Variants in MTREX observed in about 807,000 individuals in gnomAD.
MTREX encodes the protein exosome RNA helicase MTR4.
Under a neutral mutation model 135.4 loss-of-function variants are expected in MTREX, and 76 were observed. The observed-to-expected ratio is 0.56, with a 90% CI of 0.47 to 0.68. MTREX has a LOEUF of 0.68. Among genes scored for constraint, MTREX ranks in the 30% least tolerant of loss-of-function variants. The probability of loss-of-function intolerance (pLI) is 0.00; values close to 1 mark genes in which losing one functional copy is unlikely to be tolerated. For missense variants in MTREX, 920 were observed against 1,262.1 expected (o/e 0.73, Z 4.11); for synonymous variants, 404 against 401.6 (o/e 1.01, Z -0.07).
At chr5:55,403,343 T>G (rs1750753853) in intron 21 of MTREX, among the ~76,000 whole-genome samples, 1 of 152,206 alleles carries the variant, frequency 6.6e-6, no homozygotes, top group Non-Finnish European at 1.5e-5. Context: ...CTGTGTTCTT[T>G]TATAAATATG....
chr5:55,310,869 C>T (rs1300810294), intron 1 of MTREX, among the ~76,000 whole-genome samples: 2 of 152,160 alleles, frequency 1.3e-5, no homozygotes, highest in Non-Finnish European at 2.9e-5. Flanking sequence ...CCTCGAACTC[C>T]TGGCCTCAAG....
chr5:55,394,232 A>G (rs1750613062), intron 19 of MTREX, among the ~76,000 whole-genome samples: 1 of 152,160 alleles, frequency 6.6e-6, no homozygotes, highest in Non-Finnish European at 1.5e-5. Flanking sequence ...AGTGCATACA[A>G]ATTGTGCATC....
intron 5 of MTREX, among the ~76,000 whole-genome samples, chr5:55,331,457 C>G (rs925774800): frequency 2.6e-5 from 4 of 152,168 alleles, no homozygotes; most frequent in Admixed American, 2.0e-4. Context: ...GTATTCCATG[C>G]AGTATCTTGT....
chr5:55,318,527 C>G (rs1039641938), intron 1 of MTREX, among the ~76,000 whole-genome samples: 2 of 152,076 alleles, frequency 1.3e-5, no homozygotes, highest in African/African-American at 4.8e-5. Flanking sequence ...GAACAGAAAA[C>G]CAAATACCGC....
chr5:55,425,121 AG>A lies in MTREX; in HGVS notation c.*351del, dbSNP rs1751137905. ...AGAAGTCTTTAAAGGCTTGTACACC[AG>A]GAAGAAAGATGCATCCTCTTGCCTT... On this transcript the variant is annotated 3_prime_UTR_variant, in exon 27 of 27. Coordinates refer to ENST00000230640, the MANE Select transcript of MTREX (RefSeq NM_015360.5). The A allele has an allele frequency of 6.7e-7, 1 of 1,494,122 alleles. No homozygotes were observed. The highest frequency in any genetic ancestry group is 1.4e-5 in the African/African-American group (1 of 71,024). The allele number at this position is 1,494,122 out of a possible 1,614,324, so 92.6% of individuals were successfully genotyped here.
At position 55,319,227 on chromosome 5, in the gene MTREX, A is replaced by G. The variant is rs112021880; in HGVS notation, c.135-3100A>G. Among the ~76,000 whole-genome samples the G allele has an allele frequency of 6.3e-3, 953 of 152,336 alleles. 9 individuals carry two copies. The highest frequency in any genetic ancestry group is 0.022 in the African/African-American group (916 of 41,586). ...ATAGTTATCAAAATTAGGAAATTAT[A>G]TATTGATACAGTACTGTTACCTAAT... is the stretch of plus-strand genomic sequence containing the variant. On this transcript the variant is annotated intron_variant, in intron 1 of 26. Transcript: ENST00000230640.
intron 5 of MTREX, among the ~76,000 whole-genome samples, chr5:55,339,449 G>C (rs1175193550): frequency 6.6e-6 from 1 of 152,094 alleles, no homozygotes; most frequent in Non-Finnish European, 1.5e-5. Context: ...ACAATGTTAA[G>C]TTTAATGCTA....
chr5:55,355,212 A>G (rs1452225576), intron 14 of MTREX, among the ~76,000 whole-genome samples: 1 of 152,050 alleles, frequency 6.6e-6, no homozygotes, highest in Non-Finnish European at 1.5e-5. Flanking sequence ...ATGTGCAGTG[A>G]TCACTCCCAG....
intron 22 of MTREX, among the ~76,000 whole-genome samples, chr5:55,409,685 A>C (rs532727053): frequency 6.6e-6 from 1 of 152,204 alleles, no homozygotes; most frequent in African/African-American, 2.4e-5. Flanking sequence ...AGAACTTAAA[A>C]GAGATGTAAA....
In MTREX at chr5:55,347,023, T is replaced by C. The variant is rs556020706; in HGVS notation, c.1119T>C (p.Asn373=). 1.9e-6 allele frequency: 3 copies of C among 1,607,682 alleles called. No individual in the cohort carries two copies. Among genetic ancestry groups the C allele is most frequent in the South Asian group, 2.2e-5 (2 of 89,216 alleles). The change falls in exon 11 of 27, where the codon AAT becomes AAC. Residue 373 remains asparagine, a synonymous_variant. Transcript: ENST00000230640. The part of the protein sequence containing the change: ...GRKGGTKGPS[N]VFKIVKMIME... ...TTACTGTTTTTGCAGGACCATCAAA[T>C]GTTTTCAAAATTGTGAAGATGATTA... is the stretch of plus-strand genomic sequence containing the variant.
chr5:55,373,700 GGTGACTAGTGTCTAAACTTAGGACTT>G (rs1456769247), intron 16 of MTREX, among the ~76,000 whole-genome samples: 1 of 152,000 alleles, frequency 6.6e-6, no homozygotes, highest in Non-Finnish European at 1.5e-5. Context: ...GGCCCTAACT[GGTGACTAGTGTCTAAACTTAGGACTT>G]GTGACTAGTG....
chr5:55,382,427 T>G (rs1202532065), intron 18 of MTREX, among the ~76,000 whole-genome samples: 1 of 152,186 alleles, frequency 6.6e-6, no homozygotes, highest in Non-Finnish European at 1.5e-5. Context: ...AGCTTTAGGT[T>G]TACACTGACT....
chr5:55,405,094 G>A (rs1429075997), intron 21 of MTREX, among the ~76,000 whole-genome samples: 1 of 151,952 alleles, frequency 6.6e-6, no homozygotes, highest in South Asian at 2.1e-4. Flanking sequence ...ATTGCGCCCG[G>A]CCTCTGTTCT....
At chr5:55,346,053 CCATT>C (rs1217613421) in intron 10 of MTREX, among the ~76,000 whole-genome samples, 4 of 152,128 alleles carry the variant, frequency 2.6e-5, no homozygotes, top group Non-Finnish European at 5.9e-5. Flanking sequence ...TTTTGTTTCT[CCATT>C]CATCATTGGA....
chr5:55,395,472 G>A (rs940459168), intron 19 of MTREX, among the ~76,000 whole-genome samples: 2 of 152,108 alleles, frequency 1.3e-5, no homozygotes, highest in African/African-American at 4.8e-5. Flanking sequence ...ACCACAAATA[G>A]TAATTTACTA....
chr5:55,415,859 A>G (rs1750958295), intron 24 of MTREX, 111 bp from the exon 25 acceptor site: 1 of 693,008 alleles, frequency 1.4e-6, no homozygotes, highest in Non-Finnish European at 2.3e-6. Flanking sequence ...CATTGCAGAC[A>G]TAATACCTAG....
At chr5:55,333,375 G>A (rs1749506352) in intron 5 of MTREX, among the ~76,000 whole-genome samples, 1 of 152,066 alleles carries the variant, frequency 6.6e-6, no homozygotes, top group African/African-American at 2.4e-5. Flanking sequence ...TAAGGCACAG[G>A]TATAGAAGAA....
Position 55,405,458 on chromosome 5 carries a change from C to G in MTREX, c.2515C>G (p.Leu839Val), listed in dbSNP as rs1301298333. The change falls in exon 22 of 27, where the codon CTG becomes GTG. Residue 839 changes from leucine (L) to valine (V), a missense_variant. This residue lies in a region of MTREX where 467 missense variants were observed against 589.7 expected (regional missense o/e 0.79). Coordinates refer to ENST00000230640, the MANE Select transcript of MTREX (RefSeq NM_015360.5). Reference sequence around the variant, plus strand: ...AGATATTAAATCTGCAAAGCGAGAACTGAAGAAAGCAAGAACAGTCCTACA... The same window carrying G: ...AGATATTAAATCTGCAAAGCGAGAAGTGAAGAAAGCAAGAACAGTCCTACA... ...AIDIKSAKRE[L>V]KKARTVLQMD... 1.2e-6 allele frequency: 2 copies of G among 1,613,640 alleles called. No homozygotes were observed. The highest frequency in any genetic ancestry group is 3.3e-4 in the Middle Eastern group (2 of 6,060).
At chr5:55,346,330 C>T (rs979856475) in intron 10 of MTREX, among the ~76,000 whole-genome samples, 1 of 152,140 alleles carries the variant, frequency 6.6e-6, no homozygotes, top group Admixed American at 6.5e-5. Flanking sequence ...TTTGTATCAC[C>T]GTACTCCTCC....
Sources: allele counts gnomAD v4.1 joint callset (sites outside exome capture counted in the v4.1 genomes callset), GRCh38; gene constraint gnomAD v4.1.1; regional missense constraint gnomAD v4.1.1; transcripts MANE v1.5; gene names NCBI Gene and HGNC (gene_info 2026-07-23, HGNC 2026-07-21).